TBC1D30: variants seen among roughly 807,000 people sequenced by gnomAD.
TBC1D30 encodes the protein TBC1 domain family member 30, also known as TBC1 domain family, member 30.
In TBC1D30, 31 loss-of-function variants were observed where a neutral mutation model predicts 63.2. The ratio of observed to expected loss-of-function variants is 0.49; its 90% confidence interval spans 0.37 to 0.66. The LOEUF (loss-of-function observed/expected upper bound fraction) is 0.66, where lower values mean the gene tolerates loss of function less well. TBC1D30 is among the 30% of genes least tolerant of loss of function. TBC1D30 has a pLI of 0.00. For missense variants in TBC1D30, 810 were observed against 953.6 expected, an observed-to-expected ratio of 0.85 and a Z score of 1.98; for synonymous variants, 307 against 361.5, an observed-to-expected ratio of 0.85 and a Z score of 1.71.
intron 2 of TBC1D30, among the ~76,000 whole-genome samples, chr12:64,798,044 T>C (rs1872382712): frequency 6.6e-6 from 1 of 152,230 alleles, no homozygotes; most frequent in African/African-American, 2.4e-5. Flanking sequence ...GACAATAGTA[T>C]TGGCCCTACT....
chr12:64,875,129 G>T lies in TBC1D30; in HGVS notation c.1627G>T (p.Gly543Cys). Residue 543 changes from glycine (G) to cysteine (C), a missense_variant, in exon 12 of 12, where the codon GGT becomes TGT. Physicochemically the swap from Gly to Cys is radical, Grantham distance 159. This residue lies in a region of TBC1D30 where 450 missense variants were observed against 473.0 expected (regional missense o/e 0.95). Coordinates refer to ENST00000539867, the MANE Select transcript of TBC1D30 (RefSeq NM_015279.2). The stretch of plus-strand genomic sequence containing the variant: ...CAAGAATGCTGTCATCCACATCCCT[G>T]GTCACACAGGAGGGAAAATATCTCC... ...AAKNAVIHIP[G>C]HTGGKISPVP... 6.5e-7 allele frequency: 1 copy of T among 1,536,414 alleles called. No individual in the cohort carries two copies. Among genetic ancestry groups the T allele is most frequent in the Non-Finnish European group, 8.7e-7 (1 of 1,146,930 alleles).
At chr12:64,871,504 T>C (rs1033976853) in intron 11 of TBC1D30, among the ~76,000 whole-genome samples, 1 of 152,192 alleles carries the variant, frequency 6.6e-6, no homozygotes, top group Non-Finnish European at 1.5e-5. Flanking sequence ...AATATAAATT[T>C]GACATGTTTT....
chr12:64,770,849 G>A (rs1592525188), intron 1 of TBC1D30, among the ~76,000 whole-genome samples: 3 of 151,258 alleles, frequency 2.0e-5, no homozygotes, highest in Admixed American at 6.6e-5. Flanking sequence ...GACTACAGGC[G>A]AATGCCACCA....
intron 8 of TBC1D30, among the ~76,000 whole-genome samples, chr12:64,854,773 G>A (rs1156626374): frequency 1.3e-5 from 2 of 152,170 alleles, no homozygotes; most frequent in Admixed American, 1.3e-4. Flanking sequence ...GGGATTACAG[G>A]TGTGAGCCAC....
chr12:64,793,870 T>C (rs151308898), intron 2 of TBC1D30, among the ~76,000 whole-genome samples: 125 of 152,278 alleles, frequency 8.2e-4, no homozygotes, highest in African/African-American at 2.8e-3. Context: ...GGGAGCCTCA[T>C]TGTGGAGGCT....
At chr12:64,778,307 G>A (rs1871138973), upstream of TBC1D30, among the ~76,000 whole-genome samples, 1 of 152,140 alleles carries the variant, frequency 6.6e-6, no homozygotes, top group African/African-American at 2.4e-5. Context: ...CAATGTGCCA[G>A]GGATTGTTCT....
chr12:64,852,703 A>ATTCCT (rs1876979669), intron 8 of TBC1D30, among the ~76,000 whole-genome samples: 1 of 152,056 alleles, frequency 6.6e-6, no homozygotes, highest in Non-Finnish European at 1.5e-5. Flanking sequence ...TGTTGATGCT[A>ATTCCT]TTCCTTTCTG....
At chr12:64,831,051 T>C (rs1177165808) in intron 4 of TBC1D30, among the ~76,000 whole-genome samples, 1 of 152,220 alleles carries the variant, frequency 6.6e-6, no homozygotes, top group Non-Finnish European at 1.5e-5. Flanking sequence ...CTGATTCTGT[T>C]TGATCCCAGT....
intron 2 of TBC1D30, 42 bp downstream of exon 2, chr12:64,827,938 A>G (rs761880266): frequency 3.0e-6 from 4 of 1,324,568 alleles, no homozygotes; most frequent in East Asian, 2.5e-5. Context: ...GGGGTTACCA[A>G]CAGGGCACAT....
In TBC1D30 at chr12:64,878,831, C is replaced by A; in HGVS notation, c.*3043C>A. Reference sequence around the variant, plus strand: ...GTGACCTGCCCAGCATTTGCAGACTCGCTGGTTCCTGAATATGAGTAAGCA... The same window carrying A: ...GTGACCTGCCCAGCATTTGCAGACTAGCTGGTTCCTGAATATGAGTAAGCA... On this transcript the variant is annotated 3_prime_UTR_variant, in exon 12 of 12. Transcript: ENST00000539867. 3 of 227,048 alleles carry A rather than the reference C, an allele frequency of 1.3e-5. No individual in the cohort carries two copies. In the East Asian group the frequency reaches 3.0e-4, roughly 22 times the overall value. The allele number at this position is 227,048 out of a possible 1,614,324, so 14.1% of individuals were successfully genotyped here.
chr12:64,835,123 C>T (rs552993553), intron 5 of TBC1D30, among the ~76,000 whole-genome samples: 6 of 152,176 alleles, frequency 3.9e-5, no homozygotes, highest in Admixed American at 2.0e-4. Context: ...CTCCTCTTCC[C>T]GCAGAGACAG....
intron 2 of TBC1D30, among the ~76,000 whole-genome samples, chr12:64,819,142 TAAC>T (rs892353372): frequency 4.6e-5 from 7 of 152,268 alleles, no homozygotes; most frequent in Middle Eastern, 6.8e-3. Flanking sequence ...TCTCAAAAAT[TAAC>T]AAAATACAAA....
intron 2 of TBC1D30, among the ~76,000 whole-genome samples, chr12:64,816,872 G>A (rs1873574993): frequency 1.3e-5 from 2 of 150,282 alleles, no homozygotes; most frequent in South Asian, 4.3e-4. Flanking sequence ...TGTCACCCAG[G>A]CTGGAGTACA....
chr12:64,826,807 C>T (rs1473933977), intron 1 of TBC1D30, among the ~76,000 whole-genome samples: 1 of 152,106 alleles, frequency 6.6e-6, no homozygotes, highest in Non-Finnish European at 1.5e-5. Context: ...GGACCCAACT[C>T]AGGAATTTAC....
chr12:64,789,100 T>A (rs1871765663), intron 2 of TBC1D30, among the ~76,000 whole-genome samples: 1 of 152,010 alleles, frequency 6.6e-6, no homozygotes, highest in South Asian at 2.1e-4. Flanking sequence ...GTTCAGATAA[T>A]CCCCATTTTG....
intron 6 of TBC1D30, among the ~76,000 whole-genome samples, chr12:64,838,059 ATAAAG>A (rs370278690): frequency 5.6e-4 from 85 of 152,258 alleles, no homozygotes; most frequent in African/African-American, 2.0e-3. Context: ...TACTGATCAC[ATAAAG>A]TAAGAGGGAG....
intron 8 of TBC1D30, among the ~76,000 whole-genome samples, chr12:64,848,575 T>C (rs1489653138): frequency 1.3e-5 from 2 of 152,226 alleles, no homozygotes; most frequent in African/African-American, 4.8e-5. Flanking sequence ...GTTTCCAGCT[T>C]CGTCCATGTC....
At chr12:64,791,088 T>C (rs1871891413) in intron 2 of TBC1D30, among the ~76,000 whole-genome samples, 2 of 152,238 alleles carry the variant, frequency 1.3e-5, no homozygotes, top group African/African-American at 4.8e-5. Flanking sequence ...ATTCATATAA[T>C]TGAATATTAT....
chr12:64,840,027 A>AAAAAC (rs1555171793), intron 7 of TBC1D30, among the ~76,000 whole-genome samples: 10 of 145,810 alleles, frequency 6.9e-5, no homozygotes, highest in African/African-American at 2.6e-4. Flanking sequence ...AAAAAAAAAA[A>AAAAAC]ATCCACCAAC....
Sources: allele counts gnomAD v4.1 joint callset (sites outside exome capture counted in the v4.1 genomes callset), GRCh38; gene constraint gnomAD v4.1.1; regional missense constraint gnomAD v4.1.1; transcripts MANE v1.5; gene names NCBI Gene and HGNC (gene_info 2026-07-23, HGNC 2026-07-21).